The following CD47 variants were observed in gnomAD, a reference collection of about 807,000 sequenced individuals.
The protein encoded by CD47 is CD47 molecule, also known as leukocyte surface antigen CD47.
Under a neutral mutation model 44.6 loss-of-function variants are expected in CD47, and 11 were observed. That is an observed-to-expected ratio of 0.25 (90% CI 0.16 to 0.41). The LOEUF is 0.41. CD47 is among the 10% of genes least tolerant of loss of function. The pLI is 1.00. For missense variants in CD47, 306 were observed against 386.7 expected, an observed-to-expected ratio of 0.79 and a Z score of 1.75; for synonymous variants, 140 against 136.3, an observed-to-expected ratio of 1.03 and a Z score of -0.19.
At position 108,079,758 on chromosome 3, in the gene CD47, T is replaced by C. The variant is rs1248582134; in HGVS notation, c.400+233A>G. ...CCAAAAGTTTGAGAACCACACAATATACAAATTAACAAGTAATACAAATTA... is the reference window on the plus strand; with the variant it reads ...CCAAAAGTTTGAGAACCACACAATACACAAATTAACAAGTAATACAAATTA... On this transcript the variant is annotated intron_variant, in intron 2 of 10. Transcript: ENST00000361309. Among the ~76,000 whole-genome samples the C allele has an allele frequency of 3.3e-5, 5 of 151,894 alleles. No homozygotes were observed. In the East Asian group the frequency reaches 9.6e-4, roughly 29 times the overall value.
chr3:108,059,304 G>A (rs2078971223), intron 5 of CD47, 148 bp downstream of exon 5: 2 of 423,566 alleles, frequency 4.7e-6, no homozygotes, highest in Non-Finnish European at 4.3e-6. Flanking sequence ...ATATGAATGG[G>A]AAAATGTCAC....
chr3:108,055,851 G>A (rs1370181958), intron 7 of CD47, among the ~76,000 whole-genome samples: 1 of 152,112 alleles, frequency 6.6e-6, no homozygotes, highest in African/African-American at 2.4e-5. Context: ...TTAAGGAGGT[G>A]GCAGATAGAC....
chr3:108,071,320 T>C (rs2079197640), intron 2 of CD47, 138 bp from the exon 3 acceptor site: 1 of 553,670 alleles, frequency 1.8e-6, no homozygotes, highest in Non-Finnish European at 3.2e-6. Context: ...TGTATTTATT[T>C]ATACATACAC....
At chr3:108,048,686 C>T (rs973461578) in intron 10 of CD47, among the ~76,000 whole-genome samples, 2 of 152,070 alleles carry the variant, frequency 1.3e-5, no homozygotes, top group Non-Finnish European at 2.9e-5. Context: ...GCCCGGCCGA[C>T]TGGAGTGTTT....
At position 108,051,932 on chromosome 3, in the gene CD47, A is replaced by G. The variant is rs2078836015; in HGVS notation, c.909+7T>C. 1 of 1,501,222 alleles carries G rather than the reference A, an allele frequency of 6.7e-7. No individual in the cohort carries two copies. The highest frequency in any genetic ancestry group is 9.3e-7 in the Non-Finnish European group (1 of 1,079,774). 93.0% of individuals were successfully genotyped at this position (1,501,222 alleles called of 1,614,324 possible). ...ATTCACAATTCATTTAATAAACTTT[A>G]ACTTACCCTAGGAGGTTGTATAGTC... On this transcript the variant is annotated splice_region_variant and intron_variant, in intron 8 of 10. Coordinates refer to ENST00000361309, the MANE Select transcript of CD47 (RefSeq NM_001777.4).
At position 108,089,796 on chromosome 3, in the gene CD47, A is replaced by G. The variant is rs982523501; in HGVS notation, c.46+1067T>C. On this transcript the variant is annotated intron_variant, in intron 1 of 10. Transcript: ENST00000361309. ...TAATAATCAGTTTAAAATCGAATTA[A>G]TTTAGCATTCTAGAATAAATGTAAC... Among the ~76,000 whole-genome samples, 14 of 152,298 alleles carry G rather than the reference A, an allele frequency of 9.2e-5. No individual in the cohort carries two copies. In the South Asian group the frequency reaches 1.0e-3, roughly 11 times the overall value.
At position 108,090,947 on chromosome 3, in the gene CD47, T is replaced by C; in HGVS notation, c.-39A>G. 7.0e-7 allele frequency: 1 copy of C among 1,421,474 alleles called. No individual in the cohort carries two copies. The highest frequency in any genetic ancestry group is 9.3e-7 in the Non-Finnish European group (1 of 1,080,146). The allele number at this position is 1,421,474 out of a possible 1,614,324, so 88.1% of individuals were successfully genotyped here. A position where few individuals can be genotyped will look rare whatever the true frequency, so the allele number is the denominator to read the frequency against. ...GCGGGGTCGCCGCCGCCGCCGCAGG[T>C]GTCCGGAGCAGCAGCCGCCGCCGCC... On this transcript the variant is annotated 5_prime_UTR_variant, in exon 1 of 11. Transcript: ENST00000361309.
At chr3:108,049,101 TC>T (rs2078775818) in intron 10 of CD47, among the ~76,000 whole-genome samples, 1 of 1,070 alleles carries the variant, frequency 9.3e-4, no homozygotes, top group African/African-American at 3.9e-3. Context: ...AACATCTCTC[TC>T]TCTCTCTCTC....
Position 108,060,821 on chromosome 3 carries a change from C to T in CD47, c.522G>A (p.Glu174=), listed in dbSNP as rs1296411927. Residue 174 remains glutamate (E), a synonymous_variant, in exon 4 of 11, where the codon GAG becomes GAA. Transcript: ENST00000361309. ...TLKYRSGGMD[E]KTIALLVAGL... ...CAGCAACAAGTAAAGCAATTGTTTT[C>T]TCATCCATACCACCGGATCTATATT... The T allele has an allele frequency of 6.2e-7, 1 of 1,612,282 alleles. No individual in the cohort carries two copies. The highest frequency in any genetic ancestry group is 1.1e-5 in the South Asian group (1 of 91,040).
In CD47 at chr3:108,048,371, GTTTTTT is replaced by G. The variant is rs146476512; in HGVS notation, c.968-1085_968-1080del. 7.7e-3 allele frequency among the ~76,000 whole-genome samples: 613 copies of G among 79,566 alleles called. 2 individuals carry two copies. The highest frequency in any genetic ancestry group is 0.026 in the African/African-American group (519 of 19,906). 52.2% of individuals were successfully genotyped at this position (79,566 alleles called of 152,430 possible). A position where few individuals can be genotyped will look rare whatever the true frequency, so the allele number is the denominator to read the frequency against. ...TTGTTCACCAATGCATGACTGGAGT[GTTTTTT>G]TTTTTTTTTTTTTTTTTTTTTTCTT... On this transcript the variant is annotated intron_variant, in intron 10 of 10. Transcript: ENST00000361309.
intron 3 of CD47, 99 bp downstream of exon 3, chr3:108,070,993 CA>C (rs2079190621): frequency 1.7e-6 from 1 of 583,288 alleles, no homozygotes; most frequent in Non-Finnish European, 3.0e-6. Flanking sequence ...ATCATAATAG[CA>C]CTTTTCCTAG....
At position 108,045,180 on chromosome 3, in the gene CD47, C is replaced by T. The variant is rs2078702944; in HGVS notation, c.*2108G>A. ...AAAAGGCAGGCAGCATTAAAGAGAA[C>T]ACAATGGATGGATGAGATCCAAGAG... On this transcript the variant is annotated 3_prime_UTR_variant, in exon 11 of 11. Transcript: ENST00000361309. 1 of 152,570 alleles carries T rather than the reference C, an allele frequency of 6.6e-6. No homozygotes were observed. The highest frequency in any genetic ancestry group is 1.5e-5 in the Non-Finnish European group (1 of 68,030). 9.5% of individuals were successfully genotyped at this position (152,570 alleles called of 1,614,324 possible).
At chr3:108,067,815 A>G (rs2079130024) in intron 3 of CD47, among the ~76,000 whole-genome samples, 1 of 152,184 alleles carries the variant, frequency 6.6e-6, no homozygotes, top group East Asian at 1.9e-4. Context: ...CTGGGAGTTT[A>G]AGAGTCTTCT....
At chr3:108,085,270 T>C (rs2079497717) in intron 1 of CD47, among the ~76,000 whole-genome samples, 1 of 152,086 alleles carries the variant, frequency 6.6e-6, no homozygotes. Flanking sequence ...GGGTGTATAA[T>C]AGTTAAGTGC....
At chr3:108,086,504 G>A (rs1438650090) in intron 1 of CD47, among the ~76,000 whole-genome samples, 2 of 152,244 alleles carry the variant, frequency 1.3e-5, no homozygotes, top group Non-Finnish European at 2.9e-5. Flanking sequence ...AGAGAAAAGA[G>A]GCTTAAATAT....
chr3:108,046,715 A>G lies in CD47; in HGVS notation c.*573T>C, dbSNP rs2078727763. ...GGACCACTATCTCCATCAATATCAC[A>G]TCATACGGAGATCATACAAGATGCT... On this transcript the variant is annotated 3_prime_UTR_variant, in exon 11 of 11. Coordinates refer to ENST00000361309, the MANE Select transcript of CD47 (RefSeq NM_001777.4). 1 of 152,252 alleles carries G rather than the reference A, an allele frequency of 6.6e-6. No homozygotes were observed. Among genetic ancestry groups the G allele is most frequent in the African/African-American group, 2.4e-5 (1 of 41,424 alleles). 9.4% of individuals were successfully genotyped at this position (152,252 alleles called of 1,614,324 possible). A position where few individuals can be genotyped will look rare whatever the true frequency, so the allele number is the denominator to read the frequency against.
rs541398900 is a variant in CD47 at position 108,072,961 on chromosome 3, C to A, written c.401-1779G>T. The stretch of plus-strand genomic sequence containing the variant: ...GGCTCTTCAGTTAATCTTAACTGTT[C>A]ATGTTCCACAATGAATCCTGATATT... On this transcript the variant is annotated intron_variant, in intron 2 of 10. Coordinates refer to ENST00000361309, the MANE Select transcript of CD47 (RefSeq NM_001777.4). Among the ~76,000 whole-genome samples, 211 of 152,212 alleles carry A rather than the reference C, an allele frequency of 1.4e-3. 1 individual carries two copies. Among genetic ancestry groups the A allele is most frequent in the Middle Eastern group, 6.8e-3 (2 of 294 alleles).
At chr3:108,049,028 A>G (rs1168168428) in intron 10 of CD47, among the ~76,000 whole-genome samples, 1 of 151,950 alleles carries the variant, frequency 6.6e-6, no homozygotes, top group Non-Finnish European at 1.5e-5. Flanking sequence ...AATATTCTAT[A>G]AAGATTAGAA....
At chr3:108,090,319 T>C (rs1360254429) in intron 1 of CD47, among the ~76,000 whole-genome samples, 2 of 152,146 alleles carry the variant, frequency 1.3e-5, no homozygotes, top group African/African-American at 4.8e-5. Context: ...CTTAATTGTG[T>C]CCTTTACGTC....
Sources: allele counts gnomAD v4.1 joint callset (sites outside exome capture counted in the v4.1 genomes callset), GRCh38; gene constraint gnomAD v4.1.1; transcripts MANE v1.5; gene names NCBI Gene and HGNC (gene_info 2026-07-23, HGNC 2026-07-21).